The following MCPH1 variants were observed in gnomAD, a reference collection of about 807,000 sequenced individuals.
MCPH1 encodes the protein microcephalin 1, also known as microcephalin.
A neutral mutation model predicts 84.5 loss-of-function variants in MCPH1; 104 were observed. The observed-to-expected ratio is 1.23, with a 90% CI of 1.05 to 1.45. MCPH1 has a LOEUF of 1.45. Among genes scored for constraint, MCPH1 ranks in the 40% most tolerant of loss-of-function variants. The probability of loss-of-function intolerance (pLI) is 0.00; values close to 1 mark genes in which losing one functional copy is unlikely to be tolerated. For missense variants in MCPH1, 1,498 were observed against 1,005.7 expected (o/e 1.49, Z -6.62); for synonymous variants, 514 against 366.8 (o/e 1.40, Z -4.58).
intron 12 of MCPH1, among the ~76,000 whole-genome samples, chr8:6,512,021 A>G (rs1335590756): frequency 1.3e-5 from 2 of 151,304 alleles, no homozygotes; most frequent in Non-Finnish European, 2.9e-5. Context: ...TGAAGTTTTG[A>G]TCTCTTTGGA....
intron 11 of MCPH1, among the ~76,000 whole-genome samples, chr8:6,491,712 G>C (rs1586085423): frequency 6.6e-6 from 1 of 151,884 alleles, no homozygotes; most frequent in African/African-American, 2.4e-5. Flanking sequence ...ACCTATGAGT[G>C]AGAACATGCG....
rs932421622 is a variant in MCPH1, at chr8:6,466,294, G to T, written c.1935+11042G>T. On this transcript the variant is annotated intron_variant, in intron 9 of 13. Transcript: ENST00000344683. ...TGGTACTAGAGGCACGTTCCATCAC[G>T]CCTGGCTAATTTTTTTTTTTTTTGA... Among the ~76,000 whole-genome samples the T allele has an allele frequency of 2.7e-5, 4 of 150,136 alleles. No individual in the cohort carries two copies. In the South Asian group the frequency reaches 8.5e-4, roughly 32 times the overall value.
chr8:6,582,148 G>T (rs553757125), intron 12 of MCPH1, among the ~76,000 whole-genome samples: 6 of 152,294 alleles, frequency 3.9e-5, no homozygotes, highest in African/African-American at 1.4e-4. Context: ...GGGAACAGGG[G>T]TCTCAAGCTG....
chr8:6,440,627 T>C (rs542030649), intron 6 of MCPH1, among the ~76,000 whole-genome samples: 1 of 152,344 alleles, frequency 6.6e-6, no homozygotes, highest in East Asian at 1.9e-4. Context: ...GAAAACTGAA[T>C]GGCATTAGCC....
intron 12 of MCPH1, among the ~76,000 whole-genome samples, chr8:6,546,816 C>G (rs1822663046): frequency 6.6e-6 from 1 of 152,166 alleles, no homozygotes; most frequent in Admixed American, 6.5e-5. Flanking sequence ...ATTGTAATCT[C>G]TATGATTTGA....
At chr8:6,597,756 T>C (rs1048525151) in intron 12 of MCPH1, among the ~76,000 whole-genome samples, 5 of 152,212 alleles carry the variant, frequency 3.3e-5, no homozygotes, top group Non-Finnish European at 7.3e-5. Context: ...CACACCTCAC[T>C]GCGCCCCTCC....
intron 12 of MCPH1, among the ~76,000 whole-genome samples, chr8:6,574,120 C>T (rs959182193): frequency 1.3e-5 from 2 of 152,316 alleles, no homozygotes; most frequent in South Asian, 4.1e-4. Flanking sequence ...AACAGACCAG[C>T]CAAAAACATC....
intron 11 of MCPH1, among the ~76,000 whole-genome samples, chr8:6,484,339 A>G (rs774183214): frequency 6.6e-6 from 1 of 152,204 alleles, no homozygotes; most frequent in Non-Finnish European, 1.5e-5. Context: ...TCAGAAATAT[A>G]GTGAGATCCA....
chr8:6,541,502 T>C (rs1821570321), intron 12 of MCPH1, among the ~76,000 whole-genome samples: 1 of 152,134 alleles, frequency 6.6e-6, no homozygotes. Flanking sequence ...AAGCCAGGGT[T>C]GTCATGCAGG....
At chr8:6,450,796 G>C (rs1161579370) in intron 8 of MCPH1, among the ~76,000 whole-genome samples, 1 of 152,036 alleles carries the variant, frequency 6.6e-6, no homozygotes, top group East Asian at 1.9e-4. Flanking sequence ...AAATTGGAGT[G>C]CAGTGACATG....
intron 6 of MCPH1, 64 bp downstream of exon 6, chr8:6,439,160 T>G (rs1388606759): frequency 3.4e-6 from 5 of 1,485,314 alleles, no homozygotes; most frequent in African/African-American, 2.8e-5. Context: ...GTGGAAAGCT[T>G]CTTTTTTCTT....
At chr8:6,521,315 G>C (rs1294556794) in intron 12 of MCPH1, 2 of 1,613,624 alleles carry the variant, frequency 1.2e-6, no homozygotes, top group Middle Eastern at 1.6e-4. Context: ...ATTTTGCTTG[G>C]ATACTAACAC....
intron 12 of MCPH1, among the ~76,000 whole-genome samples, chr8:6,524,015 C>G (rs1198730013): frequency 6.6e-6 from 1 of 151,886 alleles, no homozygotes; most frequent in Non-Finnish European, 1.5e-5. Context: ...GTTTCAATAT[C>G]TTCATTTTGT....
chr8:6,520,088 T>C lies in MCPH1; in HGVS notation c.2214+20159T>C, dbSNP rs139074079. ...AATCATTTGGTGAGTTTTATTACTT[T>C]GGAATTCTTAAGTAAGCAAAAGGCT... is the stretch of plus-strand genomic sequence containing the variant. On this transcript the variant is annotated intron_variant, in intron 12 of 13. Transcript: ENST00000344683. The C allele has an allele frequency of 2.1e-6, 3 of 1,425,450 alleles. No homozygotes were observed. In the African/African-American group the frequency reaches 4.3e-5, roughly 20 times the overall value. 88.3% of individuals were successfully genotyped at this position (1,425,450 alleles called of 1,614,324 possible).
intron 13 of MCPH1, among the ~76,000 whole-genome samples, chr8:6,634,336 G>A (rs187775565): frequency 1.3e-5 from 2 of 152,324 alleles, no homozygotes; most frequent in African/African-American, 4.8e-5. Flanking sequence ...ACTCATTGAC[G>A]AGTTTGCCAA....
At chr8:6,491,260 A>G (rs929405727) in intron 11 of MCPH1, among the ~76,000 whole-genome samples, 1 of 151,610 alleles carries the variant, frequency 6.6e-6, no homozygotes, top group Non-Finnish European at 1.5e-5. Context: ...CTGAGAAGTC[A>G]GAGTGCTTTG....
At chr8:6,470,466 GGAGA>G (rs1189922503) in intron 9 of MCPH1, among the ~76,000 whole-genome samples, 4 of 152,056 alleles carry the variant, frequency 2.6e-5, no homozygotes, top group African/African-American at 9.7e-5. Context: ...TGTATTTTTA[GGAGA>G]GATAGGGTTT....
intron 12 of MCPH1, among the ~76,000 whole-genome samples, chr8:6,605,945 C>A (rs907713701): frequency 5.9e-5 from 9 of 152,176 alleles, no homozygotes; most frequent in African/African-American, 1.9e-4. Context: ...GATCTACCCC[C>A]CTTGGCCCCC....
intron 13 of MCPH1, among the ~76,000 whole-genome samples, chr8:6,631,244 A>G (rs751329806): frequency 6.6e-6 from 1 of 152,248 alleles, no homozygotes; most frequent in Admixed American, 6.5e-5. Flanking sequence ...TCCATCTCAC[A>G]TAACATGCAA....
Sources: gnomAD v4.1 joint callset for allele counts (sites outside exome capture counted in the v4.1 genomes callset) on GRCh38, gnomAD v4.1.1 for gene constraint, MANE v1.5 for transcripts, NCBI Gene and HGNC (gene_info 2026-07-23, HGNC 2026-07-21) for gene names.